Variants in SMYD3 observed in about 807,000 individuals in gnomAD.
The protein encoded by SMYD3 is histone-lysine N-methyltransferase SMYD3.
In SMYD3, 36 loss-of-function variants were observed where a neutral mutation model predicts 57.7. The observed-to-expected ratio is 0.62, with a 90% confidence interval of 0.48 to 0.82. SMYD3 has a LOEUF of 0.82. Ranked by LOEUF, SMYD3 falls within the 40% of genes least tolerant of loss-of-function variation. The pLI is 0.00. For synonymous variants in SMYD3, 211 were observed against 195.0 expected, an observed-to-expected ratio of 1.08 and a Z score of -0.68; for missense variants, 515 against 538.8, an observed-to-expected ratio of 0.96 and a Z score of 0.44.
At chr1:246,346,320 G>T (rs1267102165) in intron 2 of SMYD3, among the ~76,000 whole-genome samples, 1 of 151,878 alleles carries the variant, frequency 6.6e-6, no homozygotes, top group Admixed American at 6.6e-5. Flanking sequence ...CTACAGAACA[G>T]TTCCTCTCCT....
At chr1:246,091,811 T>C (rs959039520) in intron 5 of SMYD3, among the ~76,000 whole-genome samples, 42 of 152,234 alleles carry the variant, frequency 2.8e-4, no homozygotes, top group African/African-American at 9.9e-4. Flanking sequence ...AACTTTGTGT[T>C]TCCAATGCTA....
rs2060083448 is a variant in SMYD3 at position 246,052,653 on chromosome 1, T to C, written c.532-122716A>G. 3 of 152,206 alleles carry C rather than the reference T, an allele frequency of 2.0e-5. No individual in the cohort carries two copies. In the South Asian group the frequency reaches 6.2e-4, roughly 31 times the overall value. 9.4% of individuals were successfully genotyped at this position (152,206 alleles called of 1,614,324 possible). A position where few individuals can be genotyped will look rare whatever the true frequency, so the allele number is the denominator to read the frequency against. ...ATTGCTAAAAATGTCTTTAAATATT[T>C]ATCTACAGAATTCTCAAATGTGTTA... On this transcript the variant is annotated intron_variant, in intron 5 of 11. Transcript: ENST00000490107.
chr1:246,111,265 A>G (rs1477681128), intron 5 of SMYD3: 1 of 152,174 alleles, frequency 6.6e-6, no homozygotes, highest in African/African-American at 2.4e-5. Context: ...ATCCCATCAT[A>G]GTAATCAGTC....
At chr1:246,229,784 G>T (rs1445103938) in intron 5 of SMYD3, among the ~76,000 whole-genome samples, 2 of 152,182 alleles carry the variant, frequency 1.3e-5, no homozygotes, top group Non-Finnish European at 2.9e-5. Context: ...GTTTCCACCT[G>T]TTAATACTGA....
intron 5 of SMYD3, among the ~76,000 whole-genome samples, chr1:246,318,987 A>G (rs1303553693): frequency 6.6e-6 from 1 of 152,226 alleles, no homozygotes; most frequent in Non-Finnish European, 1.5e-5. Context: ...CGATAAACAA[A>G]TATCATCATT....
intron 5 of SMYD3, among the ~76,000 whole-genome samples, chr1:246,197,768 C>G (rs187381300): frequency 1.3e-5 from 2 of 152,068 alleles, no homozygotes; most frequent in African/African-American, 4.8e-5. Flanking sequence ...AATAATGCAC[C>G]ATACTAATAT....
chr1:245,820,541 G>C (rs2049103952), intron 10 of SMYD3, among the ~76,000 whole-genome samples: 1 of 151,486 alleles, frequency 6.6e-6, no homozygotes, highest in South Asian at 2.1e-4. Flanking sequence ...GGAAGTTCTG[G>C]CCAGGGCAAT....
intron 5 of SMYD3, among the ~76,000 whole-genome samples, chr1:246,098,862 C>A (rs963189080): frequency 4.6e-5 from 7 of 152,142 alleles, no homozygotes; most frequent in Non-Finnish European, 1.0e-4. Context: ...CAGGCTTACA[C>A]ATAAACACAT....
Position 245,804,092 on chromosome 1 carries a change from T to C in SMYD3, c.1077-39943A>G, listed in dbSNP as rs537781241. Among the ~76,000 whole-genome samples the C allele has an allele frequency of 5.7e-4, 87 of 152,050 alleles. 1 individual carries two copies. The South Asian group carries it at 0.018, about 31-fold the overall frequency. On this transcript the variant is annotated intron_variant, in intron 10 of 11. Transcript: ENST00000490107. ...CACACTCGGGTAATTTTTGTATTTT[T>C]AGTAGAGACAGGGTTTCAACATATT...
At chr1:246,445,406 C>T (rs1440893553) in intron 1 of SMYD3, among the ~76,000 whole-genome samples, 1 of 152,132 alleles carries the variant, frequency 6.6e-6, no homozygotes, top group Non-Finnish European at 1.5e-5. Context: ...GTCCTATGTC[C>T]CTAAAATTGC....
At chr1:246,248,631 C>CTTGTGTTTTTT (rs1309872022) in intron 5 of SMYD3, among the ~76,000 whole-genome samples, 1 of 119,270 alleles carries the variant, frequency 8.4e-6, no homozygotes, top group East Asian at 2.9e-4. Flanking sequence ...AGCTCTCTGA[C>CTTGTGTTTTTT]TTTCCTTTTT....
intron 10 of SMYD3, among the ~76,000 whole-genome samples, chr1:245,815,307 C>A (rs994733803): frequency 1.3e-5 from 2 of 152,244 alleles, no homozygotes; most frequent in African/African-American, 4.8e-5. Flanking sequence ...TAACTCAACA[C>A]GAAGGAGTCC....
At chr1:246,363,580 A>T (rs2066046232) in intron 1 of SMYD3, among the ~76,000 whole-genome samples, 1 of 152,254 alleles carries the variant, frequency 6.6e-6, no homozygotes. Context: ...GTACTAAGAA[A>T]AACTCTTCTG....
At chr1:245,977,666 G>A (rs998065107) in intron 5 of SMYD3, among the ~76,000 whole-genome samples, 3 of 152,158 alleles carry the variant, frequency 2.0e-5, no homozygotes, top group African/African-American at 7.2e-5. Flanking sequence ...GTGACGGAGT[G>A]AGACTGTCTC....
intron 5 of SMYD3, among the ~76,000 whole-genome samples, chr1:246,164,486 G>A (rs1358905694): frequency 6.6e-6 from 1 of 152,162 alleles, no homozygotes; most frequent in Non-Finnish European, 1.5e-5. Flanking sequence ...GTGATGGAAT[G>A]CCTTAGAGAT....
chr1:246,359,980 G>T (rs1057158983), intron 1 of SMYD3, among the ~76,000 whole-genome samples: 1 of 152,104 alleles, frequency 6.6e-6, no homozygotes, highest in Non-Finnish European at 1.5e-5. Context: ...ACAAGAGAAA[G>T]AAATCAAAGG....
At chr1:246,505,832 C>T (rs1263316773) in intron 1 of SMYD3, among the ~76,000 whole-genome samples, 1 of 152,186 alleles carries the variant, frequency 6.6e-6, no homozygotes, top group African/African-American at 2.4e-5. Flanking sequence ...AATTTGTCAC[C>T]ATTTATTCAT....
chr1:246,220,448 C>A (rs1274570036), intron 5 of SMYD3, among the ~76,000 whole-genome samples: 1 of 152,112 alleles, frequency 6.6e-6, no homozygotes, highest in Non-Finnish European at 1.5e-5. Flanking sequence ...ACAGCTGCAG[C>A]TGACCAAACC....
At chr1:246,178,507 G>A (rs145456993) in intron 5 of SMYD3, among the ~76,000 whole-genome samples, 1 of 152,254 alleles carries the variant, frequency 6.6e-6, no homozygotes, top group East Asian at 1.9e-4. Flanking sequence ...CTTTGTGGAA[G>A]TATTTTCACG....
Sources: gnomAD v4.1 joint callset for allele counts (sites outside exome capture counted in the v4.1 genomes callset) on GRCh38, gnomAD v4.1.1 for gene constraint, MANE v1.5 for transcripts, NCBI Gene and HGNC (gene_info 2026-07-23, HGNC 2026-07-21) for gene names.